Variants in TANC2 observed in about 807,000 individuals in gnomAD.
TANC2 encodes tetratricopeptide repeat, ankyrin repeat and coiled-coil containing 2, also known as protein TANC2.
TANC2 carries 26 observed loss-of-function variants against 210.5 expected under a neutral mutation model. The observed-to-expected ratio is 0.12, with a 90% confidence interval of 0.09 to 0.17. The LOEUF is 0.17. TANC2 is among the 10% of genes least tolerant of loss of function. TANC2 has a pLI of 1.00. For missense variants in TANC2, 2,129 were observed against 2,608.9 expected (o/e 0.82, Z 4.01); for synonymous variants, 931 against 967.1 (o/e 0.96, Z 0.69).
intron 12 of TANC2, among the ~76,000 whole-genome samples, chr17:63,350,421 A>C (rs984718000): frequency 6.6e-6 from 1 of 152,186 alleles, no homozygotes; most frequent in Admixed American, 6.5e-5. Context: ...TGAATCTCTA[A>C]TTGTTGAACC....
chr17:63,149,359 A>G (rs2039569684), intron 4 of TANC2: 3 of 151,690 alleles, frequency 2.0e-5, no homozygotes, highest in Admixed American at 2.0e-4. Flanking sequence ...CACGCCTCAT[A>G]CCTCCCTTAA....
intron 18 of TANC2, 191 bp downstream of exon 18, chr17:63,396,119 G>C: frequency 1.8e-6 from 1 of 571,070 alleles, no homozygotes; most frequent in East Asian, 3.0e-5. Context: ...CAAATTATAG[G>C]TATAGAAAGG....
At chr17:63,070,851 T>C (rs2036371351) in intron 2 of TANC2, among the ~76,000 whole-genome samples, 1 of 152,160 alleles carries the variant, frequency 6.6e-6, no homozygotes, top group Admixed American at 6.5e-5. Context: ...ATGCAAATTA[T>C]TCTAGGTAAA....
At chr17:63,024,960 A>C (rs1365779576) in intron 2 of TANC2, among the ~76,000 whole-genome samples, 2 of 152,128 alleles carry the variant, frequency 1.3e-5, no homozygotes, top group Non-Finnish European at 2.9e-5. Context: ...AGTAGCCAAA[A>C]ATTTGGTGGC....
chr17:63,406,078 G>A (rs761619317), intron 20 of TANC2, 76 bp from the exon 21 acceptor site: 7 of 1,577,156 alleles, frequency 4.4e-6, no homozygotes, highest in East Asian at 2.3e-5. Context: ...TTCCTACAGA[G>A]TAAGAGATAG....
chr17:63,338,499 T>G (rs2046112879), intron 11 of TANC2, among the ~76,000 whole-genome samples: 1 of 152,226 alleles, frequency 6.6e-6, no homozygotes, highest in African/African-American at 2.4e-5. Context: ...AAGTTTATAT[T>G]GATGTAGAGG....
At chr17:63,292,963 G>C (rs2044425898) in intron 9 of TANC2, among the ~76,000 whole-genome samples, 1 of 152,130 alleles carries the variant, frequency 6.6e-6, no homozygotes, top group Non-Finnish European at 1.5e-5. Context: ...CCTGCTATAT[G>C]CTTCCCTGCT....
At chr17:63,160,359 G>GT (rs2039985202) in intron 5 of TANC2, among the ~76,000 whole-genome samples, 1 of 152,150 alleles carries the variant, frequency 6.6e-6, no homozygotes. Context: ...TGGCAACATA[G>GT]TGAGACCCCA....
chr17:63,227,812 T>C lies in TANC2; in HGVS notation c.770-10002T>C, dbSNP rs146806636. 1.2e-3 allele frequency among the ~76,000 whole-genome samples: 188 copies of C among 152,318 alleles called. 1 individual carries two copies. Among genetic ancestry groups the C allele is most frequent in the African/African-American group, 3.9e-3 (163 of 41,564 alleles). ...TATAAGGAAGGGGTCCAGTTTTAGT[T>C]TTCTGCATATGGCTAGCCAATTCTC... On this transcript the variant is annotated intron_variant, in intron 7 of 27. Coordinates refer to ENST00000689528, the Ensembl canonical transcript of TANC2.
At chr17:63,120,004 C>G (rs2038400278) in intron 4 of TANC2, among the ~76,000 whole-genome samples, 1 of 151,326 alleles carries the variant, frequency 6.6e-6, no homozygotes, top group Non-Finnish European at 1.5e-5. Flanking sequence ...GCACTCCAGA[C>G]CAAGTGACAT....
chr17:63,416,540 T>C (rs763950046), intron 26 of TANC2, among the ~76,000 whole-genome samples: 39 of 152,222 alleles, frequency 2.6e-4, no homozygotes, highest in Non-Finnish European at 4.1e-4. Context: ...GTGTAACCTT[T>C]AGATCATCCA....
intron 8 of TANC2, among the ~76,000 whole-genome samples, chr17:63,241,324 C>A (rs907962211): frequency 2.6e-5 from 4 of 152,108 alleles, no homozygotes; most frequent in African/African-American, 9.7e-5. Flanking sequence ...TATTTGCTAA[C>A]AACTGGCAAT....
rs559889264 is a variant in TANC2, at chr17:63,125,468, T to G, written c.323-25802T>G. On this transcript the variant is annotated intron_variant, in intron 4 of 27. Coordinates refer to ENST00000689528, the Ensembl canonical transcript of TANC2. ...TACTAGGTAGGCTGAGTTTTTTAAG[T>G]GAGCAGAGAGTAGTTACAACTTGAA... Among the ~76,000 whole-genome samples the G allele has an allele frequency of 6.6e-5, 10 of 152,312 alleles. No homozygotes were observed. The South Asian group carries it at 2.1e-3, about 32-fold the overall frequency.
At chr17:63,243,585 C>T (rs916445396) in intron 8 of TANC2, among the ~76,000 whole-genome samples, 1 of 152,088 alleles carries the variant, frequency 6.6e-6, no homozygotes, top group Non-Finnish European at 1.5e-5. Flanking sequence ...AAAAGAGTGC[C>T]TTCTGTATAA....
intron 7 of TANC2, among the ~76,000 whole-genome samples, chr17:63,236,919 A>T (rs1406683707): frequency 6.6e-6 from 1 of 152,136 alleles, no homozygotes; most frequent in Non-Finnish European, 1.5e-5. Flanking sequence ...TTGATTCCAT[A>T]TCTTTGCTAT....
intron 13 of TANC2, among the ~76,000 whole-genome samples, chr17:63,353,296 A>C (rs1245025486): frequency 2.6e-5 from 4 of 152,146 alleles, no homozygotes; most frequent in Non-Finnish European, 5.9e-5. Flanking sequence ...GAGAAGACTC[A>C]AGAATGAATC....
At chr17:63,268,980 T>A (rs2043614564) in intron 9 of TANC2, among the ~76,000 whole-genome samples, 1 of 152,222 alleles carries the variant, frequency 6.6e-6, no homozygotes, top group Non-Finnish European at 1.5e-5. Context: ...ATCTTACGGA[T>A]GATTTTCATC....
At chr17:63,411,631 A>G in exon 22 of TANC2, 1 of 1,613,974 alleles carries the variant, frequency 6.2e-7, no homozygotes, top group Non-Finnish European at 8.5e-7. Context: ...GACCATGCTG[A>G]CAAGAATGGC....
At chr17:63,092,036 C>T (rs1472464532) in intron 3 of TANC2, among the ~76,000 whole-genome samples, 1 of 151,840 alleles carries the variant, frequency 6.6e-6, no homozygotes, top group Non-Finnish European at 1.5e-5. Flanking sequence ...TGTATAAGAA[C>T]ATATTACCCA....
Sources: gnomAD v4.1 joint callset for allele counts (sites outside exome capture counted in the v4.1 genomes callset) on GRCh38, gnomAD v4.1.1 for gene constraint, MANE v1.5 for transcripts, NCBI Gene and HGNC (gene_info 2026-07-23, HGNC 2026-07-21) for gene names.